GRM7: variants seen among roughly 807,000 people sequenced by gnomAD.
GRM7 encodes the protein glutamate metabotropic receptor 7.
GRM7 carries 35 observed loss-of-function variants against 84.5 expected under a neutral mutation model. That is an observed-to-expected ratio of 0.41 (90% CI 0.32 to 0.55). The LOEUF is 0.55. Ranked by LOEUF, GRM7 falls within the 20% of genes least tolerant of loss-of-function variation. The probability of loss-of-function intolerance (pLI) is 0.19; values close to 1 mark genes in which losing one functional copy is unlikely to be tolerated. For missense variants in GRM7, 1,003 were observed against 1,194.6 expected (o/e 0.84, Z 2.36); for synonymous variants, 487 against 455.1 (o/e 1.07, Z -0.89).
intron 7 of GRM7, among the ~76,000 whole-genome samples, chr3:7,562,751 TA>T (rs745972619): frequency 2.8e-4 from 42 of 152,268 alleles, no homozygotes; most frequent in Non-Finnish European, 4.6e-4. Flanking sequence ...AGCACTAGAT[TA>T]AATCAAGGAG....
intron 5 of GRM7, among the ~76,000 whole-genome samples, chr3:7,417,054 G>T (rs1559307575): frequency 6.6e-6 from 1 of 152,044 alleles, no homozygotes; most frequent in Non-Finnish European, 1.5e-5. Context: ...GTTTTATGTG[G>T]AGCCATGCTT....
At chr3:6,892,340 C>A (rs115174728) in intron 1 of GRM7, among the ~76,000 whole-genome samples, 1 of 151,492 alleles carries the variant, frequency 6.6e-6, no homozygotes, top group Non-Finnish European at 1.5e-5. Context: ...GTTGGGTCAG[C>A]GAGGCAGGCC....
intron 7 of GRM7, among the ~76,000 whole-genome samples, chr3:7,516,506 GAAATA>G (rs1700395639): frequency 3.0e-5 from 3 of 100,406 alleles, no homozygotes; most frequent in Non-Finnish European, 6.3e-5. Context: ...AAAAAAAAAA[GAAATA>G]GTTAGTTCAT....
At chr3:7,428,144 T>A (rs1390146822) in intron 5 of GRM7, among the ~76,000 whole-genome samples, 1 of 152,184 alleles carries the variant, frequency 6.6e-6, no homozygotes, top group Non-Finnish European at 1.5e-5. Flanking sequence ...ATACCATTGT[T>A]TCTAAAAGGA....
At chr3:6,937,880 C>T (rs751747901) in intron 1 of GRM7, among the ~76,000 whole-genome samples, 1 of 152,206 alleles carries the variant, frequency 6.6e-6, no homozygotes, top group Non-Finnish European at 1.5e-5. Context: ...TTATTGAGCA[C>T]TTACTATGTA....
intron 1 of GRM7, among the ~76,000 whole-genome samples, chr3:7,052,591 G>A (rs1336916611): frequency 6.6e-6 from 1 of 150,748 alleles, no homozygotes; most frequent in African/African-American, 2.5e-5. Context: ...GTGACCACTA[G>A]TTACTTTCTG....
chr3:6,967,953 T>C (rs1693593957), intron 1 of GRM7, among the ~76,000 whole-genome samples: 1 of 152,170 alleles, frequency 6.6e-6, no homozygotes, highest in Admixed American at 6.5e-5. Flanking sequence ...ACAAACAAGT[T>C]ATTGAAATCA....
intron 8 of GRM7, among the ~76,000 whole-genome samples, chr3:7,616,837 A>G (rs868079592): frequency 6.6e-6 from 1 of 152,158 alleles, no homozygotes; most frequent in African/African-American, 2.4e-5. Context: ...AAAAACCTGA[A>G]AATTTTTAAT....
At chr3:7,571,337 G>T (rs1207308305) in intron 7 of GRM7, among the ~76,000 whole-genome samples, 1 of 152,078 alleles carries the variant, frequency 6.6e-6, no homozygotes, top group Non-Finnish European at 1.5e-5. Flanking sequence ...TTATAAAACT[G>T]AATGCCTTTA....
intron 1 of GRM7, 54 bp from the exon 2 acceptor site, chr3:7,146,396 TGA>T: frequency 7.9e-7 from 1 of 1,272,844 alleles, no homozygotes; most frequent in South Asian, 1.2e-5. Flanking sequence ...TAAGTATAAA[TGA>T]GTCTCTTACA....
intron 2 of GRM7, among the ~76,000 whole-genome samples, chr3:7,249,695 A>G (rs950557059): frequency 6.6e-6 from 1 of 152,170 alleles, no homozygotes; most frequent in African/African-American, 2.4e-5. Flanking sequence ...TCCTGAATTT[A>G]CCACATGAAA....
chr3:7,692,898 AG>A (rs993584694), intron 9 of GRM7, among the ~76,000 whole-genome samples: 2 of 152,024 alleles, frequency 1.3e-5, no homozygotes, highest in African/African-American at 4.8e-5. Flanking sequence ...AAGATTAGAT[AG>A]GTCCTCCAGG....
intron 4 of GRM7, among the ~76,000 whole-genome samples, chr3:7,351,493 G>A (rs540360357): frequency 6.6e-6 from 1 of 152,038 alleles, no homozygotes; most frequent in African/African-American, 2.4e-5. Flanking sequence ...AACTTGACTG[G>A]ATTGAAGGTT....
At chr3:7,482,826 G>T (rs13097482) in intron 7 of GRM7, among the ~76,000 whole-genome samples, 20,764 of 152,194 alleles carry the variant, frequency 0.14, 1,895 homozygotes, top group Non-Finnish European at 0.2. Context: ...GACTAAGGAT[G>T]TGCTTCTTCT....
chr3:7,592,324 G>A (rs1435257905), intron 8 of GRM7, among the ~76,000 whole-genome samples: 1 of 151,944 alleles, frequency 6.6e-6, no homozygotes, highest in Non-Finnish European at 1.5e-5. Flanking sequence ...TAGGAATAGG[G>A]GCTCAGAGCA....
chr3:6,910,224 G>C (rs17692589), intron 1 of GRM7, among the ~76,000 whole-genome samples: 8,454 of 152,156 alleles, frequency 0.056, 261 homozygotes, highest in African/African-American at 0.077. Context: ...TAATCCATAG[G>C]TATCACCAGT....
chr3:7,561,467 G>C (rs2125036707), intron 7 of GRM7: 2 of 455,914 alleles, frequency 4.4e-6, no homozygotes, highest in East Asian at 7.0e-5. Context: ...TTATGAGATA[G>C]GAGAATTACA....
Position 7,064,507 on chromosome 3 carries a change from T to TATAC in GRM7, c.520-81942_520-81941insCATA, listed in dbSNP as rs1559415552. Among the ~76,000 whole-genome samples the TATAC allele has an allele frequency of 9.6e-5, 9 of 93,352 alleles. 1 individual carries two copies. The highest frequency in any genetic ancestry group is 1.3e-4 in the African/African-American group (2 of 15,440). The allele number at this position is 93,352 out of a possible 152,430, so 61.2% of individuals were successfully genotyped here. A position where few individuals can be genotyped will look rare whatever the true frequency, so the allele number is the denominator to read the frequency against. ...ACACATATACATATATATATACACA[T>TATAC]ATATATATATACACACACACACACG... On this transcript the variant is annotated intron_variant, in intron 1 of 9. Coordinates refer to ENST00000357716, the MANE Select transcript of GRM7 (RefSeq NM_000844.4).
chr3:7,222,764 C>T (rs1696852695), intron 2 of GRM7, among the ~76,000 whole-genome samples: 1 of 152,208 alleles, frequency 6.6e-6, no homozygotes, highest in South Asian at 2.1e-4. Context: ...CCCTTATACA[C>T]AATCCTAGAT....
Sources: allele counts gnomAD v4.1 joint callset (sites outside exome capture counted in the v4.1 genomes callset), GRCh38; gene constraint gnomAD v4.1.1; transcripts MANE v1.5; gene names NCBI Gene and HGNC (gene_info 2026-07-23, HGNC 2026-07-21).